Variants in TTC27 observed in about 807,000 individuals in gnomAD.
TTC27 encodes the protein tetratricopeptide repeat protein 27.
Under a neutral mutation model 115.9 loss-of-function variants are expected in TTC27, and 79 were observed. The observed-to-expected ratio is 0.68, with a 90% CI of 0.57 to 0.82. The LOEUF (loss-of-function observed/expected upper bound fraction) is 0.82. Among genes scored for constraint, TTC27 ranks in the 40% least tolerant of loss-of-function variants. The pLI, the probability that TTC27 is intolerant of heterozygous loss-of-function variation, is 0.00. For missense variants in TTC27, 1,054 were observed against 993.1 expected (o/e 1.06, Z -0.82); for synonymous variants, 401 against 356.0 (o/e 1.13, Z -1.42).
intron 19 of TTC27, among the ~76,000 whole-genome samples, chr2:32,817,889 C>T (rs1010143600): frequency 1.1e-4 from 17 of 152,084 alleles, no homozygotes; most frequent in African/African-American, 4.1e-4. Context: ...AACCCCATCT[C>T]TACTAAAAAA....
At chr2:32,731,698 G>GT (rs1484578634) in intron 10 of TTC27, among the ~76,000 whole-genome samples, 182 of 152,246 alleles carry the variant, frequency 1.2e-3, no homozygotes, top group South Asian at 8.7e-3. Flanking sequence ...CATGCATATG[G>GT]CTTAATCAGG....
At chr2:32,708,597 T>G (rs559729398) in intron 10 of TTC27, among the ~76,000 whole-genome samples, 148 of 152,184 alleles carry the variant, frequency 9.7e-4, no homozygotes, top group Non-Finnish European at 1.4e-3. Context: ...TGTGAGCCAC[T>G]GCGCCCGGCC....
At chr2:32,742,375 CT>C (rs1261544466) in intron 12 of TTC27, among the ~76,000 whole-genome samples, 2 of 152,132 alleles carry the variant, frequency 1.3e-5, no homozygotes, top group Non-Finnish European at 2.9e-5. Context: ...ATAATAAAGC[CT>C]GTTTTTAATT....
At chr2:32,778,184 AAC>A (rs1487861267) in intron 14 of TTC27, among the ~76,000 whole-genome samples, 3 of 152,190 alleles carry the variant, frequency 2.0e-5, no homozygotes, top group Non-Finnish European at 4.4e-5. Context: ...ATTTTGATAA[AAC>A]AATTTTCTTG....
intron 5 of TTC27, among the ~76,000 whole-genome samples, chr2:32,663,676 G>T (rs201621416): frequency 2.4e-3 from 226 of 93,528 alleles, no homozygotes; most frequent in African/African-American, 7.5e-3. Flanking sequence ...ATGTATGTAT[G>T]TATGTATTTA....
chr2:32,812,341 G>C (rs533974124), intron 17 of TTC27, among the ~76,000 whole-genome samples, 163 bp from the exon 18 acceptor site: 1 of 152,300 alleles, frequency 6.6e-6, no homozygotes, highest in East Asian at 1.9e-4. Flanking sequence ...GCCGTTGGGT[G>C]TGCATTTCCA....
chr2:32,699,118 C>G (rs1349315692), intron 9 of TTC27, among the ~76,000 whole-genome samples: 1 of 152,142 alleles, frequency 6.6e-6, no homozygotes, highest in African/African-American at 2.4e-5. Context: ...TCTTTTTATC[C>G]CTTTCTTGCA....
intron 10 of TTC27, among the ~76,000 whole-genome samples, chr2:32,724,375 A>G (rs547727512): frequency 6.6e-6 from 1 of 152,284 alleles, no homozygotes; most frequent in East Asian, 1.9e-4. Flanking sequence ...GTCCAGAAGC[A>G]GTGGAAGGGC....
At chr2:32,634,284 C>T (rs532871793) in intron 3 of TTC27, among the ~76,000 whole-genome samples, 55 of 151,962 alleles carry the variant, frequency 3.6e-4, no homozygotes, top group African/African-American at 1.0e-3. Context: ...GGTTGTATCA[C>T]CTCAGTTACA....
At position 32,695,450 on chromosome 2, in the gene TTC27, G is replaced by A. The variant is rs1666950235; in HGVS notation, c.1120-7357G>A. Among the ~76,000 whole-genome samples, 4 of 151,996 alleles carry A rather than the reference G, an allele frequency of 2.6e-5. No individual in the cohort carries two copies. In the South Asian group the frequency reaches 8.3e-4, roughly 32 times the overall value. On this transcript the variant is annotated intron_variant, in intron 9 of 19. Transcript: ENST00000317907. ...AATATAAAAAATTAGGCCAGGCACG[G>A]TGGCTCACGCCTGTAATCTCAGTGC...
At chr2:32,720,222 G>T (rs1425976100) in intron 10 of TTC27, among the ~76,000 whole-genome samples, 1 of 152,126 alleles carries the variant, frequency 6.6e-6, no homozygotes, top group East Asian at 1.9e-4. Context: ...ATTCTATTAT[G>T]CTCTATTTGG....
intron 5 of TTC27, among the ~76,000 whole-genome samples, chr2:32,657,714 T>C (rs1348464717): frequency 6.6e-6 from 1 of 152,188 alleles, no homozygotes; most frequent in East Asian, 1.9e-4. Context: ...CTAAAAACTT[T>C]TTCATACCCC....
Position 32,718,710 on chromosome 2 carries a change from C to T in TTC27, c.1234-15118C>T, listed in dbSNP as rs972895256. 1.6e-4 allele frequency among the ~76,000 whole-genome samples: 25 copies of T among 152,102 alleles called. No homozygotes were observed. The East Asian group carries it at 4.1e-3, about 25-fold the overall frequency. On this transcript the variant is annotated intron_variant, in intron 10 of 19. Transcript: ENST00000317907. ...GGTCTCATTGTCTTAGAGGCTTTTCCACTGAAGGCAGGGCTGACTGCAGAC... is the reference window on the plus strand; with the variant it reads ...GGTCTCATTGTCTTAGAGGCTTTTCTACTGAAGGCAGGGCTGACTGCAGAC...
chr2:32,671,866 C>T (rs939782548), intron 7 of TTC27, among the ~76,000 whole-genome samples: 1 of 152,202 alleles, frequency 6.6e-6, no homozygotes, highest in Non-Finnish European at 1.5e-5. Context: ...GATGCTATCA[C>T]ATACTTTGAG....
At chr2:32,767,453 G>GTTTTTT (rs397754905) in intron 13 of TTC27, among the ~76,000 whole-genome samples, 26 of 114,242 alleles carry the variant, frequency 2.3e-4, no homozygotes, top group South Asian at 9.1e-4. Flanking sequence ...GTTTTTTTTT[G>GTTTTTT]TTTTTTTTTT....
chr2:32,628,071 A>G lies in TTC27; in HGVS notation c.-222A>G, dbSNP rs2063521559. 5 of 541,012 alleles carry G rather than the reference A, an allele frequency of 9.2e-6. No individual in the cohort carries two copies. The highest frequency in any genetic ancestry group is 9.8e-6 in the Non-Finnish European group (3 of 304,936). The allele number at this position is 541,012 out of a possible 1,614,324, so 33.5% of individuals were successfully genotyped here. The stretch of plus-strand genomic sequence containing the variant: ...GGTTCTTCTCCTAGGCGGAAGCCAG[A>G]CCAGAGAGCGTGCGTGTTTTTCCCA... On this transcript the variant is annotated 5_prime_UTR_variant, in exon 1 of 20. Transcript: ENST00000317907.
intron 16 of TTC27, among the ~76,000 whole-genome samples, chr2:32,796,378 A>T (rs570500172): frequency 2.6e-5 from 4 of 152,344 alleles, no homozygotes; most frequent in Admixed American, 2.6e-4. Context: ...TACTACCCAA[A>T]GTGATGTCTG....
At chr2:32,664,264 CTCA>C (rs1345095550) in intron 5 of TTC27, 36 bp from the exon 6 acceptor site, 3 of 1,536,538 alleles carry the variant, frequency 2.0e-6, no homozygotes, top group African/African-American at 1.4e-5. Flanking sequence ...TATTTTTCTT[CTCA>C]TCATAACTTT....
At chr2:32,820,087 T>C (rs61546747) in intron 19 of TTC27, among the ~76,000 whole-genome samples, 1 of 152,338 alleles carries the variant, frequency 6.6e-6, no homozygotes, top group African/African-American at 2.4e-5. Flanking sequence ...GAAACAGATA[T>C]TTGGCAAGCT....
Sources: allele counts gnomAD v4.1 joint callset (sites outside exome capture counted in the v4.1 genomes callset), GRCh38; gene constraint gnomAD v4.1.1; transcripts MANE v1.5; gene names NCBI Gene and HGNC (gene_info 2026-07-23, HGNC 2026-07-21).